HS6ST3: variants seen among roughly 807,000 people sequenced by gnomAD.
The protein encoded by HS6ST3 is heparan-sulfate 6-O-sulfotransferase 3.
HS6ST3 carries 12 observed loss-of-function variants against 36.7 expected under a neutral mutation model. That is an observed-to-expected ratio of 0.33 (90% CI 0.21 to 0.53). HS6ST3 has a LOEUF of 0.53. HS6ST3 is among the 20% of genes least tolerant of loss of function. The pLI is 0.95. For synonymous variants in HS6ST3, 240 were observed against 257.5 expected, an observed-to-expected ratio of 0.93 and a Z score of 0.65; for missense variants, 584 against 640.9, an observed-to-expected ratio of 0.91 and a Z score of 0.96.
At chr13:96,382,822 T>C (rs1291634292) in intron 1 of HS6ST3, among the ~76,000 whole-genome samples, 1 of 152,240 alleles carries the variant, frequency 6.6e-6, no homozygotes, top group Non-Finnish European at 1.5e-5. Context: ...TAAGATTTCT[T>C]CTCTCACCTT....
chr13:96,687,397 A>T (rs1874814165), intron 1 of HS6ST3, among the ~76,000 whole-genome samples: 1 of 151,874 alleles, frequency 6.6e-6, no homozygotes, highest in South Asian at 2.1e-4. Flanking sequence ...AATTACTTTG[A>T]ATTTGGGCAA....
chr13:96,825,731 C>T (rs1293551791), intron 1 of HS6ST3, among the ~76,000 whole-genome samples: 1 of 152,230 alleles, frequency 6.6e-6, no homozygotes, highest in African/African-American at 2.4e-5. Context: ...CATCCTGCTC[C>T]AGTCTATGCC....
intron 1 of HS6ST3, among the ~76,000 whole-genome samples, chr13:96,154,690 C>T (rs111680179): frequency 6.6e-6 from 1 of 151,984 alleles, no homozygotes; most frequent in African/African-American, 2.4e-5. Flanking sequence ...GAGAAATAAC[C>T]ATTCTCTGTA....
At chr13:96,439,994 G>A (rs528955835) in intron 1 of HS6ST3, among the ~76,000 whole-genome samples, 3 of 152,146 alleles carry the variant, frequency 2.0e-5, no homozygotes, top group Non-Finnish European at 4.4e-5. Flanking sequence ...TTTCTAAAAG[G>A]CCTGGGGCTT....
chr13:96,733,444 C>T (rs2138478699), intron 1 of HS6ST3, among the ~76,000 whole-genome samples: 1 of 152,168 alleles, frequency 6.6e-6, no homozygotes, highest in East Asian at 1.9e-4. Context: ...TTACAGACTT[C>T]TAAAAACAAT....
chr13:96,484,484 T>A (rs1016838980), intron 1 of HS6ST3, among the ~76,000 whole-genome samples: 1 of 152,194 alleles, frequency 6.6e-6, no homozygotes, highest in African/African-American at 2.4e-5. Context: ...TGAAACTTTG[T>A]ATCCTTTGAC....
intron 1 of HS6ST3, among the ~76,000 whole-genome samples, chr13:96,763,395 G>A (rs935058228): frequency 2.0e-5 from 3 of 150,850 alleles, no homozygotes; most frequent in Non-Finnish European, 4.4e-5. Flanking sequence ...GGAGGCTGAA[G>A]CACGAGAATC....
At chr13:96,706,440 T>TATATATATAA (rs1491180585) in intron 1 of HS6ST3, among the ~76,000 whole-genome samples, 8 of 137,606 alleles carry the variant, frequency 5.8e-5, no homozygotes, top group East Asian at 2.0e-4. Flanking sequence ...TATATATATA[T>TATATATATAA]AATCAGGGAA....
chr13:96,535,488 A>T (rs933845283), intron 1 of HS6ST3, among the ~76,000 whole-genome samples: 5 of 147,874 alleles, frequency 3.4e-5, no homozygotes, highest in African/African-American at 1.2e-4. Flanking sequence ...AACCCGGGAG[A>T]TGGAGGTTGC....
Position 96,130,731 on chromosome 13 carries a change from G to T in HS6ST3, c.707+39162G>T, listed in dbSNP as rs571377453. ...CTTGGGCTTTTCAGTCAGCTCTCTA[G>T]TATTGCATTAAAAACTGCTTATAAA... On this transcript the variant is annotated intron_variant, in intron 1 of 1. Coordinates refer to ENST00000376705, the MANE Select transcript of HS6ST3 (RefSeq NM_153456.4). Among the ~76,000 whole-genome samples the T allele has an allele frequency of 4.2e-4, 64 of 152,240 alleles. No homozygotes were observed. In the South Asian group the frequency reaches 5.2e-3, roughly 12 times the overall value.
intron 1 of HS6ST3, among the ~76,000 whole-genome samples, chr13:96,651,197 C>T (rs1227627676): frequency 6.6e-6 from 1 of 151,984 alleles, no homozygotes; most frequent in South Asian, 2.1e-4. Flanking sequence ...TACTATATGC[C>T]AGGAAGTAAG....
chr13:96,512,262 A>G (rs2056052871), intron 1 of HS6ST3, among the ~76,000 whole-genome samples: 1 of 152,190 alleles, frequency 6.6e-6, no homozygotes, highest in Non-Finnish European at 1.5e-5. Flanking sequence ...TTCTTGCACC[A>G]GTACCATATT....
chr13:96,355,209 T>G (rs996612891), intron 1 of HS6ST3, among the ~76,000 whole-genome samples: 3 of 152,140 alleles, frequency 2.0e-5, no homozygotes, highest in African/African-American at 7.2e-5. Context: ...CTCATCACTC[T>G]CAGTGCCATT....
chr13:96,391,508 A>G (rs1490686640), intron 1 of HS6ST3, among the ~76,000 whole-genome samples: 2 of 152,124 alleles, frequency 1.3e-5, no homozygotes, highest in Non-Finnish European at 2.9e-5. Context: ...CTCTCATACT[A>G]TAGATGTCCT....
chr13:96,791,961 A>G (rs1043745398), intron 1 of HS6ST3, among the ~76,000 whole-genome samples: 2 of 152,062 alleles, frequency 1.3e-5, no homozygotes, highest in African/African-American at 4.8e-5. Flanking sequence ...GTGCCATACC[A>G]TATATAGGTA....
chr13:96,310,123 G>A (rs1311404676), intron 1 of HS6ST3, among the ~76,000 whole-genome samples: 1 of 152,096 alleles, frequency 6.6e-6, no homozygotes, highest in Admixed American at 6.6e-5. Context: ...AATTTTATAT[G>A]TGTATAGTGA....
At chr13:96,521,863 C>G (rs1436878609) in intron 1 of HS6ST3, among the ~76,000 whole-genome samples, 2 of 152,068 alleles carry the variant, frequency 1.3e-5, no homozygotes, top group Admixed American at 6.6e-5. Flanking sequence ...CAGTTCTGCT[C>G]TAATCTTAGT....
At chr13:96,794,985 T>G (rs1295679625) in intron 1 of HS6ST3, among the ~76,000 whole-genome samples, 2 of 152,078 alleles carry the variant, frequency 1.3e-5, no homozygotes, top group East Asian at 3.9e-4. Flanking sequence ...TTTTCTTATT[T>G]ATATTTTTGG....
intron 1 of HS6ST3, among the ~76,000 whole-genome samples, chr13:96,521,607 C>T (rs2056093863): frequency 6.6e-6 from 1 of 152,056 alleles, no homozygotes; most frequent in African/African-American, 2.4e-5. Context: ...GGAATTTATC[C>T]CTTTCTTCTA....
Sources: gnomAD v4.1 joint callset for allele counts (sites outside exome capture counted in the v4.1 genomes callset) on GRCh38, gnomAD v4.1.1 for gene constraint, MANE v1.5 for transcripts, NCBI Gene and HGNC (gene_info 2026-07-23, HGNC 2026-07-21) for gene names.